Variants in CACNA1B observed in about 807,000 individuals in gnomAD.
CACNA1B encodes calcium voltage-gated channel subunit alpha1 B, also known as voltage-dependent N-type calcium channel subunit alpha-1B.
In CACNA1B, 70 loss-of-function variants were observed where a neutral mutation model predicts 247.2. That is an observed-to-expected ratio of 0.28 (90% CI 0.23 to 0.35). The LOEUF (loss-of-function observed/expected upper bound fraction) is 0.35. CACNA1B is among the 10% of genes least tolerant of loss of function. CACNA1B has a pLI of 1.00. For synonymous variants in CACNA1B, 1,231 were observed against 1,294.4 expected (o/e 0.95, Z 1.05); for missense variants, 2,367 against 3,197.4 (o/e 0.74, Z 6.26).
intron 20 of CACNA1B, among the ~76,000 whole-genome samples, chr9:138,028,914 G>C (rs778874164): frequency 6.6e-6 from 1 of 152,158 alleles, no homozygotes; most frequent in African/African-American, 2.4e-5. Context: ...CCTCTATTCA[G>C]CATATGGCTG....
intron 37 of CACNA1B, chr9:138,101,194 C>G: frequency 1.9e-6 from 1 of 530,886 alleles, no homozygotes; most frequent in South Asian, 1.4e-5. Flanking sequence ...GTAGGTTGGC[C>G]TACAAGGTTT....
intron 10 of CACNA1B, among the ~76,000 whole-genome samples, chr9:137,967,328 T>G (rs1272553821): frequency 1.3e-5 from 2 of 152,186 alleles, no homozygotes; most frequent in Non-Finnish European, 2.9e-5. Flanking sequence ...TTCCAGTACT[T>G]GCCCTGCCTC....
intron 36 of CACNA1B, among the ~76,000 whole-genome samples, chr9:138,085,773 C>G (rs1204618715): frequency 2.0e-5 from 3 of 151,198 alleles, no homozygotes; most frequent in Non-Finnish European, 4.4e-5. Context: ...AACAAACTGT[C>G]AGTCAAGAAT....
At position 138,099,011 on chromosome 9, in the gene CACNA1B, C is replaced by T. The variant is rs146903294; in HGVS notation, c.5222+2400C>T. Among the ~76,000 whole-genome samples the T allele has an allele frequency of 3.3e-5, 5 of 152,364 alleles. No individual in the cohort carries two copies. In the East Asian group the frequency reaches 5.8e-4, roughly 18 times the overall value. The stretch of plus-strand genomic sequence containing the variant: ...CCTTTTTGGTAGCCTCTGTGACAAA[C>T]GCAGTGATGTAGTCATTTCCCAGGG... On this transcript the variant is annotated intron_variant, in intron 37 of 46. Coordinates refer to ENST00000371372, the MANE Select transcript of CACNA1B (RefSeq NM_000718.4).
intron 18 of CACNA1B, among the ~76,000 whole-genome samples, chr9:138,016,842 C>A (rs1470979015): frequency 2.0e-5 from 3 of 152,248 alleles, no homozygotes; most frequent in African/African-American, 7.2e-5. Context: ...CTGTCCTGGG[C>A]AGTGTGTGCT....
In CACNA1B at chr9:137,954,766, G is replaced by A. The variant is rs992675457; in HGVS notation, c.1071-932G>A. Among the ~76,000 whole-genome samples the A allele has an allele frequency of 3.3e-5, 5 of 152,044 alleles. No individual in the cohort carries two copies. The highest frequency in any genetic ancestry group is 1.2e-4 in the African/African-American group (5 of 41,378). On this transcript the variant is annotated intron_variant, in intron 7 of 46. Coordinates refer to ENST00000371372, the MANE Select transcript of CACNA1B (RefSeq NM_000718.4). This position sits in a 1 kb window ranked among gnomAD's most constrained non-coding sequence, Gnocchi z 4.1. ...AGCGGACACTGGCCCTGCGCCCAGG[G>A]TCAGTCACGGTCAGAGCCGGGGATT...
At chr9:138,105,485 A>T (rs1379581451) in intron 38 of CACNA1B, among the ~76,000 whole-genome samples, 1 of 152,166 alleles carries the variant, frequency 6.6e-6, no homozygotes, top group East Asian at 1.9e-4. Context: ...TGCAGCCAGG[A>T]GGGTCCTCAG....
In CACNA1B at chr9:137,986,314, G is replaced by A; in HGVS notation, c.1770-99G>A. The A allele has an allele frequency of 7.4e-7, 1 of 1,346,692 alleles. No homozygotes were observed. Among genetic ancestry groups the A allele is most frequent in the Non-Finnish European group, 1.0e-6 (1 of 971,626 alleles). 83.4% of individuals were successfully genotyped at this position (1,346,692 alleles called of 1,614,324 possible). A position where few individuals can be genotyped will look rare whatever the true frequency, so the allele number is the denominator to read the frequency against. On this transcript the variant is annotated intron_variant, in intron 13 of 46. Transcript: ENST00000371372. This position sits in a 1 kb window ranked among gnomAD's most constrained non-coding sequence, Gnocchi z 6.0. Reference sequence around the variant, plus strand: ...TCACACCTAGGTGTGCAGCCCTCAGGGTTTAGAAAGTCAGTGGAGCCTTAA... The same window carrying A: ...TCACACCTAGGTGTGCAGCCCTCAGAGTTTAGAAAGTCAGTGGAGCCTTAA...
chr9:137,983,213 C>T (rs768278498), intron 12 of CACNA1B, among the ~76,000 whole-genome samples: 1 of 152,212 alleles, frequency 6.6e-6, no homozygotes, highest in Non-Finnish European at 1.5e-5. Flanking sequence ...TTTGAATTCT[C>T]CACACCAGTT....
chr9:137,965,320 G>A (rs541390597), intron 10 of CACNA1B, among the ~76,000 whole-genome samples: 1 of 152,366 alleles, frequency 6.6e-6, no homozygotes, highest in East Asian at 1.9e-4. Context: ...GACCAAAGTG[G>A]TGGCCTGCCC....
chr9:137,982,520 A>T (rs868248670), intron 12 of CACNA1B, among the ~76,000 whole-genome samples: 4 of 152,366 alleles, frequency 2.6e-5, no homozygotes, highest in African/African-American at 7.2e-5. Context: ...TTAAGGGGAT[A>T]GCATTATACA....
intron 20 of CACNA1B, among the ~76,000 whole-genome samples, chr9:138,032,402 A>C (rs1284260971): frequency 6.6e-6 from 1 of 152,162 alleles, no homozygotes; most frequent in Non-Finnish European, 1.5e-5. Context: ...CAACTGTCAC[A>C]CATAATTTAG....
intron 31 of CACNA1B, among the ~76,000 whole-genome samples, chr9:138,066,449 TAAG>T (rs904681798): frequency 2.0e-5 from 3 of 150,432 alleles, no homozygotes; most frequent in Admixed American, 6.6e-5. Flanking sequence ...GCTAAAAAAA[TAAG>T]AGAGAGAGAG....
chr9:138,070,483 T>A (rs1392068868), intron 32 of CACNA1B, among the ~76,000 whole-genome samples: 1 of 152,234 alleles, frequency 6.6e-6, no homozygotes, highest in East Asian at 1.9e-4. Flanking sequence ...CAACCGGAGC[T>A]TCCTGCTGGG....
At chr9:137,960,041 C>T (rs1433533749) in intron 10 of CACNA1B, among the ~76,000 whole-genome samples, 1 of 151,512 alleles carries the variant, frequency 6.6e-6, no homozygotes, top group East Asian at 2.0e-4. Context: ...GTGAGGACGC[C>T]TGAGGGACGC....
rs150448349 is a variant in CACNA1B at position 137,929,891 on chromosome 9, C to T, written c.966+12460C>T. Among the ~76,000 whole-genome samples, 298 of 152,176 alleles carry T rather than the reference C, an allele frequency of 2.0e-3. 1 individual carries two copies. The highest frequency in any genetic ancestry group is 6.7e-3 in the African/African-American group (279 of 41,540). The stretch of plus-strand genomic sequence containing the variant: ...CTGGTCTCAAGCTCCTGGGCTCAGG[C>T]GATTCTCCCTCCTCAGCCTCCGAAG... On this transcript the variant is annotated intron_variant, in intron 6 of 46. Transcript: ENST00000371372.
chr9:137,921,696 A>C (rs1331868829), intron 6 of CACNA1B, among the ~76,000 whole-genome samples: 10 of 142,164 alleles, frequency 7.0e-5, no homozygotes, highest in African/African-American at 3.0e-4. Flanking sequence ...TTCGGAGAAC[A>C]CGATCAGCAC....
chr9:137,893,354 T>TA (rs34168944), intron 3 of CACNA1B, among the ~76,000 whole-genome samples: 59,068 of 139,658 alleles, frequency 0.42, 13,806 homozygotes, highest in African/African-American at 0.64. Flanking sequence ...CTCCCCCCTT[T>TA]AAAAAAAAAA....
At chr9:137,991,828 C>G (rs1958435109) in intron 15 of CACNA1B, among the ~76,000 whole-genome samples, 1 of 152,176 alleles carries the variant, frequency 6.6e-6, no homozygotes, top group South Asian at 2.1e-4. Flanking sequence ...AATTTTGTGT[C>G]CAGTGAAACT....
Sources: allele counts gnomAD v4.1 joint callset (sites outside exome capture counted in the v4.1 genomes callset), GRCh38; gene constraint gnomAD v4.1.1; non-coding constraint Gnocchi (gnomAD v3.1); transcripts MANE v1.5; gene names NCBI Gene and HGNC (gene_info 2026-07-23, HGNC 2026-07-21).